Variants in RNF169 observed in about 807,000 individuals in gnomAD.
RNF169 encodes ring finger protein 169.
In RNF169, 24 loss-of-function variants were observed where a neutral mutation model predicts 53.9. The observed-to-expected ratio is 0.45, with a 90% confidence interval of 0.32 to 0.63. The LOEUF (loss-of-function observed/expected upper bound fraction) is 0.63. RNF169 is among the 20% of genes least tolerant of loss of function. The pLI, the probability that RNF169 is intolerant of heterozygous loss-of-function variation, is 0.04. For missense variants in RNF169, 883 were observed against 906.2 expected, an observed-to-expected ratio of 0.97 and a Z score of 0.33; for synonymous variants, 396 against 363.5, an observed-to-expected ratio of 1.09 and a Z score of -1.02.
At chr11:74,809,855 CT>C (rs970075968) in intron 2 of RNF169, among the ~76,000 whole-genome samples, 1 of 152,188 alleles carries the variant, frequency 6.6e-6, no homozygotes, top group African/African-American at 2.4e-5. Context: ...TTACATCTGG[CT>C]TATGGGAATA....
intron 2 of RNF169, chr11:74,808,237 A>T (rs571623500): frequency 1.7e-4 from 26 of 152,328 alleles, no homozygotes; most frequent in African/African-American, 5.8e-4. Context: ...AGGCAGAAGG[A>T]TACATTCTAA....
chr11:74,820,560 A>T (rs1225856195), intron 4 of RNF169, among the ~76,000 whole-genome samples: 2 of 152,026 alleles, frequency 1.3e-5, no homozygotes, highest in African/African-American at 2.4e-5. Context: ...GATTATGAGA[A>T]GATGATGAAG....
rs543033315 is a variant in RNF169, at chr11:74,837,870, C to T, written c.*1140C>T. 2.0e-5 allele frequency: 3 copies of T among 152,216 alleles called. No homozygotes were observed. Among genetic ancestry groups the T allele is most frequent in the Non-Finnish European group, 4.4e-5 (3 of 68,020 alleles). 9.4% of individuals were successfully genotyped at this position (152,216 alleles called of 1,614,324 possible). A position where few individuals can be genotyped will look rare whatever the true frequency, so the allele number is the denominator to read the frequency against. On this transcript the variant is annotated 3_prime_UTR_variant, in exon 6 of 6. Coordinates refer to ENST00000299563, the MANE Select transcript of RNF169 (RefSeq NM_001098638.2). ...GCTGACACCATGTGTCTTTTGCATC[C>T]CTGGTGGTGCTTGGTGCTTCTGCCC...
At chr11:74,766,898 A>T (rs183547902) in intron 1 of RNF169, among the ~76,000 whole-genome samples, 1,687 of 152,350 alleles carry the variant, frequency 0.011, 33 homozygotes, top group African/African-American at 0.036. Flanking sequence ...TTACAACTTG[A>T]TAACAAAATC....
chr11:74,824,701 C>T (rs1005948887), intron 4 of RNF169, among the ~76,000 whole-genome samples: 4 of 152,152 alleles, frequency 2.6e-5, no homozygotes, highest in Non-Finnish European at 2.9e-5. Flanking sequence ...GAAGTGAGCA[C>T]ATGCTGTTGG....
rs1379135629 is a variant in RNF169 at position 74,750,914 on chromosome 11, C to G, written c.502+1532C>G. On this transcript the variant is annotated intron_variant, in intron 1 of 5. Transcript: ENST00000299563. ...TTTGAGACTGAGTCTCACTCTGTCT[C>G]CCAGGCTGGAGTGCAGTGGCCAATC... Among the ~76,000 whole-genome samples the G allele has an allele frequency of 4.0e-4, 50 of 125,040 alleles. 2 individuals carry two copies. Among genetic ancestry groups the G allele is most frequent in the Non-Finnish European group, 1.6e-5 (1 of 62,824 alleles). The allele number at this position is 125,040 out of a possible 152,430, so 82.0% of individuals were successfully genotyped here.
chr11:74,814,766 TTAAG>T (rs1284210829), intron 3 of RNF169, among the ~76,000 whole-genome samples: 1 of 152,180 alleles, frequency 6.6e-6, no homozygotes, highest in African/African-American at 2.4e-5. Context: ...TAGAATTTAT[TTAAG>T]TAATCTTTTA....
intron 1 of RNF169, among the ~76,000 whole-genome samples, chr11:74,788,270 A>G (rs2035532397): frequency 6.6e-6 from 1 of 150,994 alleles, no homozygotes; most frequent in East Asian, 1.9e-4. Flanking sequence ...TATGTATTCT[A>G]TTCATTGGGG....
At chr11:74,803,102 TTTTG>T (rs1565181232) in intron 2 of RNF169, among the ~76,000 whole-genome samples, 1 of 148,560 alleles carries the variant, frequency 6.7e-6, no homozygotes, top group Non-Finnish European at 1.5e-5. Context: ...CTTTTTTTTT[TTTTG>T]AGATAGAGTC....
At chr11:74,831,348 G>C (rs1565188361) in intron 4 of RNF169, 1 of 152,132 alleles carries the variant, frequency 6.6e-6, no homozygotes, top group Non-Finnish European at 1.5e-5. Flanking sequence ...CTATACACTA[G>C]CAGTGAACAA....
intron 2 of RNF169, among the ~76,000 whole-genome samples, chr11:74,805,309 A>G (rs1391563419): frequency 1.3e-5 from 2 of 152,218 alleles, no homozygotes; most frequent in East Asian, 3.8e-4. Flanking sequence ...GTATATTTTT[A>G]TAATAGGCAA....
At chr11:74,786,685 C>G (rs1367380301) in intron 1 of RNF169, among the ~76,000 whole-genome samples, 2 of 152,210 alleles carry the variant, frequency 1.3e-5, no homozygotes, top group East Asian at 1.9e-4. Context: ...GCATGCCACT[C>G]TACTGGCTAA....
At chr11:74,750,293 T>TAAACATC (rs1380265913) in intron 1 of RNF169, among the ~76,000 whole-genome samples, 1 of 152,200 alleles carries the variant, frequency 6.6e-6, no homozygotes, top group Admixed American at 6.5e-5. Flanking sequence ...GCAGCTCTGT[T>TAAACATC]TGATAAAAAA....
At chr11:74,827,042 G>A (rs894341930) in intron 4 of RNF169, among the ~76,000 whole-genome samples, 2 of 152,248 alleles carry the variant, frequency 1.3e-5, no homozygotes, top group African/African-American at 4.8e-5. Flanking sequence ...TGGGGACTCA[G>A]TGTGGGCATT....
chr11:74,788,972 C>T (rs992060505), intron 1 of RNF169, among the ~76,000 whole-genome samples: 4 of 152,136 alleles, frequency 2.6e-5, no homozygotes, highest in South Asian at 2.1e-4. Flanking sequence ...CCTGTTAAAG[C>T]TTTTCTCCCT....
At chr11:74,749,414 G>A in intron 1 of RNF169, 32 bp downstream of exon 1, 8 of 1,233,174 alleles carry the variant, frequency 6.5e-6, no homozygotes, top group East Asian at 3.1e-5. Context: ...TTAGGGTCTG[G>A]AGCGAGGCCG....
chr11:74,757,332 A>G lies in RNF169; in HGVS notation c.502+7950A>G, dbSNP rs1400154739. Among the ~76,000 whole-genome samples the G allele has an allele frequency of 4.2e-5, 4 of 94,298 alleles. No homozygotes were observed. In the East Asian group the frequency reaches 1.0e-3, roughly 24 times the overall value. 61.9% of individuals were successfully genotyped at this position (94,298 alleles called of 152,430 possible). On this transcript the variant is annotated intron_variant, in intron 1 of 5. Coordinates refer to ENST00000299563, the MANE Select transcript of RNF169 (RefSeq NM_001098638.2). ...TCCCTACAAAGGACATGAACTCATC[A>G]TTTTTTATGGCTGCATAGTATTCCA...
At chr11:74,755,821 G>C (rs1027155062) in intron 1 of RNF169, among the ~76,000 whole-genome samples, 1 of 152,198 alleles carries the variant, frequency 6.6e-6, no homozygotes, top group South Asian at 2.1e-4. Context: ...TATAGGTGGA[G>C]TGTGGACTGG....
At chr11:74,767,237 G>C (rs977583202) in intron 1 of RNF169, among the ~76,000 whole-genome samples, 1 of 152,100 alleles carries the variant, frequency 6.6e-6, no homozygotes. Context: ...CAAAGAATAG[G>C]AGTTTGGCTT....
Sources: gnomAD v4.1 joint callset for allele counts (sites outside exome capture counted in the v4.1 genomes callset) on GRCh38, gnomAD v4.1.1 for gene constraint, MANE v1.5 for transcripts, NCBI Gene and HGNC (gene_info 2026-07-23, HGNC 2026-07-21) for gene names.